MACROD2: variants seen among roughly 807,000 people sequenced by gnomAD.
The protein encoded by MACROD2 is mono-ADP ribosylhydrolase 2.
MACROD2 carries 36 observed loss-of-function variants against 70.4 expected under a neutral mutation model. That is an observed-to-expected ratio of 0.51 (90% CI 0.39 to 0.68). The LOEUF (loss-of-function observed/expected upper bound fraction) is 0.68. Ranked by LOEUF, MACROD2 falls within the 30% of genes least tolerant of loss-of-function variation. The probability of loss-of-function intolerance (pLI) is 0.00; values close to 1 mark genes in which losing one functional copy is unlikely to be tolerated. For synonymous variants in MACROD2, 172 were observed against 178.8 expected (o/e 0.96, Z 0.30); for missense variants, 496 against 538.4 (o/e 0.92, Z 0.78).
intron 8 of MACROD2, among the ~76,000 whole-genome samples, chr20:15,513,102 T>A (rs191283978): frequency 6.6e-6 from 1 of 152,322 alleles, no homozygotes; most frequent in East Asian, 1.9e-4. Context: ...CCTGATTAAT[T>A]TGCACTAACT....
intron 12 of MACROD2, among the ~76,000 whole-genome samples, chr20:15,941,588 A>C (rs1202020293): frequency 2.6e-5 from 4 of 152,198 alleles, no homozygotes; most frequent in African/African-American, 9.6e-5. Context: ...AACATTCTCC[A>C]TTATTAGCTT....
At chr20:15,168,441 A>ATATGTGTG (rs2076400761) in intron 5 of MACROD2, among the ~76,000 whole-genome samples, 1 of 134,660 alleles carries the variant, frequency 7.4e-6, no homozygotes, top group African/African-American at 2.8e-5. Flanking sequence ...ACATTGTGGG[A>ATATGTGTG]TGTGTGTGTG....
intron 2 of MACROD2, among the ~76,000 whole-genome samples, chr20:14,040,388 T>G (rs940601211): frequency 2.0e-5 from 3 of 152,176 alleles, no homozygotes; most frequent in African/African-American, 7.2e-5. Context: ...AGGTATAATT[T>G]TTTTAGCTTA....
intron 3 of MACROD2, among the ~76,000 whole-genome samples, chr20:14,349,385 T>G (rs2083097879): frequency 6.6e-6 from 1 of 151,176 alleles, no homozygotes; most frequent in South Asian, 2.1e-4. Flanking sequence ...CAAGCATTTG[T>G]CCTTTGTGTT....
chr20:15,104,018 G>T (rs1469083359), intron 5 of MACROD2, among the ~76,000 whole-genome samples: 1 of 152,162 alleles, frequency 6.6e-6, no homozygotes. Flanking sequence ...ACAAGTGATG[G>T]TGATGGCTTT....
rs1469042785 is a variant in MACROD2, at chr20:14,862,257, A to G, written c.418+177298A>G. ...AATATATATTTATATATTAATATAT[A>G]TAAATATATTACTATGTATATTTAT... is the stretch of plus-strand genomic sequence containing the variant. On this transcript the variant is annotated intron_variant, in intron 5 of 17. Coordinates refer to ENST00000684519, the MANE Select transcript of MACROD2 (RefSeq NM_001351661.2). Among the ~76,000 whole-genome samples the G allele has an allele frequency of 7.9e-5, 4 of 50,480 alleles. 1 individual carries two copies. The highest frequency in any genetic ancestry group is 3.4e-4 in the African/African-American group (4 of 11,744). The allele number at this position is 50,480 out of a possible 152,430, so 33.1% of individuals were successfully genotyped here.
At chr20:14,170,578 C>T (rs1040484587) in intron 3 of MACROD2, among the ~76,000 whole-genome samples, 3 of 152,118 alleles carry the variant, frequency 2.0e-5, no homozygotes, top group African/African-American at 7.2e-5. Context: ...TTGTCAGGTG[C>T]TTTTTCTGCT....
In MACROD2 at chr20:15,134,568, G is replaced by A. The variant is rs1006469620; in HGVS notation, c.419-95372G>A. On this transcript the variant is annotated intron_variant, in intron 5 of 17. Coordinates refer to ENST00000684519, the MANE Select transcript of MACROD2 (RefSeq NM_001351661.2). Reference sequence around the variant, plus strand: ...GAATCTCTGGGACACATTCAAAGCAGTGTGTAGAGGGAAATTTATAGCACT... The same window carrying A: ...GAATCTCTGGGACACATTCAAAGCAATGTGTAGAGGGAAATTTATAGCACT... 2.0e-3 allele frequency among the ~76,000 whole-genome samples: 311 copies of A among 152,092 alleles called. 3 individuals carry two copies. The highest frequency in any genetic ancestry group is 6.9e-3 in the African/African-American group (284 of 41,436).
At chr20:15,466,649 C>T (rs1458721420) in intron 7 of MACROD2, among the ~76,000 whole-genome samples, 3 of 152,202 alleles carry the variant, frequency 2.0e-5, no homozygotes, top group East Asian at 1.9e-4. Flanking sequence ...CTCTAACATA[C>T]TTCCTGTGAA....
rs528764301 is a variant in MACROD2 at position 14,675,876 on chromosome 20, C to CA, written c.302-8959dup. Among the ~76,000 whole-genome samples the CA allele has an allele frequency of 5.3e-3, 798 of 149,940 alleles. 14 individuals carry two copies. The highest frequency in any genetic ancestry group is 0.019 in the African/African-American group (757 of 40,900). ...AAGATTTACCAAACAAATGGAAAGC[C>CA]AAAAAAAAGCAAGGGTTGCAATCCT... is the stretch of plus-strand genomic sequence containing the variant. On this transcript the variant is annotated intron_variant, in intron 4 of 17. Transcript: ENST00000684519.
rs550183361 is a variant in MACROD2 at position 15,365,906 on chromosome 20, T to C, written c.541-65499T>C. Among the ~76,000 whole-genome samples the C allele has an allele frequency of 5.9e-5, 9 of 152,322 alleles. No homozygotes were observed. The East Asian group carries it at 7.7e-4, about 13-fold the overall frequency. On this transcript the variant is annotated intron_variant, in intron 6 of 17. Coordinates refer to ENST00000684519, the MANE Select transcript of MACROD2 (RefSeq NM_001351661.2). The stretch of plus-strand genomic sequence containing the variant: ...ATATATTTCTCTTACCTTTAGCTTA[T>C]TCTAAGATGAAGGAAAATAAGGAGA...
chr20:14,495,297 G>A (rs945192283), intron 4 of MACROD2, among the ~76,000 whole-genome samples: 2 of 152,082 alleles, frequency 1.3e-5, no homozygotes, highest in African/African-American at 4.8e-5. Flanking sequence ...ATACTTAGAT[G>A]ACCTCAGGGT....
At chr20:14,764,904 A>G (rs2072065986) in intron 5 of MACROD2, among the ~76,000 whole-genome samples, 1 of 152,070 alleles carries the variant, frequency 6.6e-6, no homozygotes, top group African/African-American at 2.4e-5. Flanking sequence ...TTGATAGACA[A>G]GGAACCCAGG....
At chr20:15,767,726 T>G (rs1243457451) in intron 8 of MACROD2, among the ~76,000 whole-genome samples, 1 of 152,218 alleles carries the variant, frequency 6.6e-6, no homozygotes, top group Non-Finnish European at 1.5e-5. Context: ...TTGTATTCAT[T>G]GTTAATTTTC....
intron 8 of MACROD2, among the ~76,000 whole-genome samples, chr20:15,639,473 C>T (rs181256504): frequency 6.6e-6 from 1 of 152,302 alleles, no homozygotes; most frequent in East Asian, 1.9e-4. Context: ...CCTCAGCCCC[C>T]ACTGTAGTGC....
At chr20:14,995,492 G>A (rs994428743) in intron 5 of MACROD2, among the ~76,000 whole-genome samples, 4 of 151,810 alleles carry the variant, frequency 2.6e-5, no homozygotes, top group African/African-American at 4.8e-5. Context: ...CCTAGGCAGC[G>A]AAGTGAGACC....
At chr20:14,144,770 G>A (rs922746668) in intron 3 of MACROD2, among the ~76,000 whole-genome samples, 3 of 151,982 alleles carry the variant, frequency 2.0e-5, no homozygotes, top group African/African-American at 7.3e-5. Flanking sequence ...GTTGAGGGTG[G>A]GGAGAGACTA....
chr20:15,326,335 C>T (rs565630994), intron 6 of MACROD2, among the ~76,000 whole-genome samples: 50 of 151,974 alleles, frequency 3.3e-4, no homozygotes, highest in Non-Finnish European at 5.3e-4. Context: ...CCTCCCCAGG[C>T]ATTCATAGAT....
intron 17 of MACROD2, among the ~76,000 whole-genome samples, chr20:16,047,860 C>T (rs987295641): frequency 2.0e-5 from 3 of 152,142 alleles, no homozygotes; most frequent in South Asian, 2.1e-4. Context: ...AACCATTCAA[C>T]GTAAGGAGTT....
Sources: allele counts gnomAD v4.1 joint callset (sites outside exome capture counted in the v4.1 genomes callset), GRCh38; gene constraint gnomAD v4.1.1; transcripts MANE v1.5; gene names NCBI Gene and HGNC (gene_info 2026-07-23, HGNC 2026-07-21).